AHI1: variants seen among roughly 807,000 people sequenced by gnomAD.
AHI1 encodes the protein Abelson helper integration site 1.
Under a neutral mutation model 149.3 loss-of-function variants are expected in AHI1, and 123 were observed. The observed-to-expected ratio is 0.82, with a 90% CI of 0.71 to 0.96. The LOEUF (loss-of-function observed/expected upper bound fraction) is 0.96. Among genes scored for constraint, AHI1 ranks in the 40% least tolerant of loss-of-function variants. The probability of loss-of-function intolerance (pLI) is 0.00; values close to 1 mark genes in which losing one functional copy is unlikely to be tolerated. For missense variants in AHI1, 1,439 were observed against 1,422.7 expected (o/e 1.01, Z -0.18); for synonymous variants, 475 against 459.8 (o/e 1.03, Z -0.42).
intron 20 of AHI1, among the ~76,000 whole-genome samples, chr6:135,414,011 G>C (rs1256244170): frequency 6.6e-6 from 1 of 151,956 alleles, no homozygotes; most frequent in African/African-American, 2.4e-5. Context: ...AAATCGACAT[G>C]GAAATGAATA....
At chr6:135,316,057 CAA>C (rs11314127) in intron 26 of AHI1, among the ~76,000 whole-genome samples, 1 of 151,894 alleles carries the variant, frequency 6.6e-6, no homozygotes, top group East Asian at 1.9e-4. Flanking sequence ...GTTGAGAAAA[CAA>C]AAAAACATCT....
At chr6:135,377,348 T>G (rs973288662) in intron 23 of AHI1, among the ~76,000 whole-genome samples, 2 of 152,322 alleles carry the variant, frequency 1.3e-5, no homozygotes, top group Middle Eastern at 3.4e-3. Context: ...GTAGGCAAAC[T>G]GAATCTTCAA....
intron 12 of AHI1, 144 bp from the exon 13 acceptor site, chr6:135,447,304 C>T (rs1787395445): frequency 5.1e-6 from 3 of 591,674 alleles, no homozygotes; most frequent in Non-Finnish European, 7.6e-6. Flanking sequence ...TTTATTTGTA[C>T]ATTATTCTAA....
intron 4 of AHI1, among the ~76,000 whole-genome samples, chr6:135,491,732 G>A (rs1003670327): frequency 1.3e-5 from 2 of 152,124 alleles, no homozygotes; most frequent in African/African-American, 4.8e-5. Flanking sequence ...GCAAGTGTCG[G>A]CAAACTATGG....
chr6:135,348,606 T>C (rs1162806773), intron 24 of AHI1, among the ~76,000 whole-genome samples: 1 of 152,218 alleles, frequency 6.6e-6, no homozygotes, highest in Non-Finnish European at 1.5e-5. Flanking sequence ...GCCATTTTGA[T>C]TTTGTGCACT....
intron 20 of AHI1, 127 bp from the exon 21 acceptor site, chr6:135,411,671 C>A: frequency 1.6e-6 from 1 of 633,046 alleles, no homozygotes. Flanking sequence ...AATAATAAGA[C>A]ACCATAACTA....
chr6:135,408,252 C>T (rs1379726754), intron 21 of AHI1, among the ~76,000 whole-genome samples: 1 of 151,994 alleles, frequency 6.6e-6, no homozygotes, highest in African/African-American at 2.4e-5. Context: ...TGTTTTTATG[C>T]CTGTAGATGA....
intron 8 of AHI1, 61 bp from the exon 9 acceptor site, chr6:135,457,774 T>C (rs558208571): frequency 1.4e-6 from 2 of 1,439,708 alleles, no homozygotes; most frequent in East Asian, 4.5e-5. Flanking sequence ...AGTATTTACA[T>C]ATAACCTAAT....
chr6:135,395,022 G>C, intron 22 of AHI1, 126 bp from the exon 23 acceptor site: 1 of 874,196 alleles, frequency 1.1e-6, no homozygotes, highest in Non-Finnish European at 1.7e-6. Flanking sequence ...GAGTGGTAAT[G>C]ATGTACATGG....
At chr6:135,400,988 C>T (rs548542255) in intron 22 of AHI1, among the ~76,000 whole-genome samples, 1 of 152,280 alleles carries the variant, frequency 6.6e-6, no homozygotes, top group African/African-American at 2.4e-5. Flanking sequence ...TATCCTTAAC[C>T]TCAGCAAAAT....
At chr6:135,450,233 G>A (rs1787889508) in intron 11 of AHI1, among the ~76,000 whole-genome samples, 1 of 152,198 alleles carries the variant, frequency 6.6e-6, no homozygotes, top group Admixed American at 6.5e-5. Context: ...AGAGTTTCAA[G>A]AGTGTGATAT....
intron 12 of AHI1, 89 bp downstream of exon 12, chr6:135,448,201 C>T: frequency 2.3e-6 from 2 of 859,736 alleles, no homozygotes; most frequent in Middle Eastern, 2.9e-4. Flanking sequence ...TTATTAGAGG[C>T]CTTATCTTTT....
At chr6:135,352,738 A>ACAC (rs1792342487) in intron 24 of AHI1, among the ~76,000 whole-genome samples, 1 of 143,224 alleles carries the variant, frequency 7.0e-6, no homozygotes, top group African/African-American at 2.6e-5. Flanking sequence ...CACACACACA[A>ACAC]TATATATACA....
intron 23 of AHI1, among the ~76,000 whole-genome samples, chr6:135,375,307 A>G (rs148134290): frequency 6.6e-6 from 1 of 152,176 alleles, no homozygotes; most frequent in Non-Finnish European, 1.5e-5. Flanking sequence ...TCCCGAGGGG[A>G]AAAAAACGAG....
At chr6:135,408,485 T>G (rs1781123139) in intron 21 of AHI1, among the ~76,000 whole-genome samples, 1 of 151,988 alleles carries the variant, frequency 6.6e-6, no homozygotes, top group Non-Finnish European at 1.5e-5. Flanking sequence ...TTCTAAAAGT[T>G]AACTAAGAAA....
intron 20 of AHI1, among the ~76,000 whole-genome samples, chr6:135,420,775 G>C (rs1783037709): frequency 6.6e-6 from 1 of 152,098 alleles, no homozygotes; most frequent in Non-Finnish European, 1.5e-5. Flanking sequence ...TCAGCAATAA[G>C]GCTGTTTTAC....
In AHI1 at chr6:135,409,785, A is replaced by T. The variant is rs527532280; in HGVS notation, c.2961+1563T>A. Among the ~76,000 whole-genome samples, 114 of 152,286 alleles carry T rather than the reference A, an allele frequency of 7.5e-4. 2 individuals carry two copies. In the South Asian group the frequency reaches 0.023, roughly 30 times the overall value. On this transcript the variant is annotated intron_variant, in intron 21 of 28. Coordinates refer to ENST00000265602, the MANE Select transcript of AHI1 (RefSeq NM_001134831.2). ...ACTAGGATATTTCTAAGATACTGGC[A>T]TCTTTTCATTAATTGGTCTGGTAAT...
chr6:135,408,582 C>G (rs1210571093), intron 21 of AHI1, among the ~76,000 whole-genome samples: 2 of 152,166 alleles, frequency 1.3e-5, no homozygotes, highest in East Asian at 3.9e-4. Flanking sequence ...CATCCTGATA[C>G]ACCTTCAAGT....
chr6:135,439,325 T>C (rs1202212927), intron 14 of AHI1, among the ~76,000 whole-genome samples: 1 of 152,236 alleles, frequency 6.6e-6, no homozygotes. Flanking sequence ...GCTCCATGTC[T>C]CCAGCATGTG....
Sources: gnomAD v4.1 joint callset for allele counts (sites outside exome capture counted in the v4.1 genomes callset) on GRCh38, gnomAD v4.1.1 for gene constraint, MANE v1.5 for transcripts, NCBI Gene and HGNC (gene_info 2026-07-23, HGNC 2026-07-21) for gene names.